Variants in ANO6 observed in about 807,000 individuals in gnomAD.
The protein encoded by ANO6 is anoctamin 6.
A neutral mutation model predicts 117.5 loss-of-function variants in ANO6; 106 were observed. The observed-to-expected ratio is 0.90, with a 90% confidence interval of 0.77 to 1.06. ANO6 has a LOEUF of 1.06. Ranked by LOEUF, ANO6 falls within the 50% of genes least tolerant of loss-of-function variation. The pLI is 0.00. For missense variants in ANO6, 955 were observed against 1,121.1 expected (o/e 0.85, Z 2.12); for synonymous variants, 367 against 385.1 (o/e 0.95, Z 0.55).
rs190060422 is a variant in ANO6, at chr12:45,388,262, G to A, written c.1267G>A (p.Glu423Lys). ...GGAAGAACAAGCCCGACCAGAATAC[G>A]AAGCACGATGTACTCACGTAGTGAT... ...QQEEQARPEY[E>K]ARCTHVVINE... is the part of the protein sequence containing the mutation. Residue 423 changes from glutamate (E) to lysine (K), a missense_variant, in exon 11 of 20, where the codon GAA becomes AAA. Physicochemically the swap from Glu to Lys is moderately conservative, Grantham distance 56. Coordinates refer to ENST00000320560, the MANE Select transcript of ANO6 (RefSeq NM_001025356.3). 1.7e-5 allele frequency: 27 copies of A among 1,613,980 alleles called. No homozygotes were observed. The highest frequency in any genetic ancestry group is 2.2e-5 in the Non-Finnish European group (26 of 1,180,004).
In ANO6 at chr12:45,348,470, G is replaced by A. The variant is rs1237146198; in HGVS notation, c.634-48G>A. Reference sequence around the variant, plus strand: ...ACAGTAGTAAACAATGATTGGATTGGTTAATTACACTATATAAACCGCATA... The same window carrying A: ...ACAGTAGTAAACAATGATTGGATTGATTAATTACACTATATAAACCGCATA... On this transcript the variant is annotated intron_variant, in intron 5 of 19. Coordinates refer to ENST00000320560, the MANE Select transcript of ANO6 (RefSeq NM_001025356.3). 2.6e-6 allele frequency: 4 copies of A among 1,547,490 alleles called. No individual in the cohort carries two copies. The Admixed American group carries it at 6.7e-5, about 26-fold the overall frequency.
chr12:45,439,495 A>G (rs903119189), intron 19 of ANO6, among the ~76,000 whole-genome samples: 3 of 152,206 alleles, frequency 2.0e-5, no homozygotes, highest in Non-Finnish European at 4.4e-5. Flanking sequence ...CTCCTTGTCC[A>G]TGGGAGAATG....
chr12:45,238,220 G>C (rs1238222065), intron 1 of ANO6, among the ~76,000 whole-genome samples: 1 of 147,504 alleles, frequency 6.8e-6, no homozygotes, highest in Admixed American at 6.8e-5. Context: ...GCAGGATCTC[G>C]GCTCACTGCA....
intron 8 of ANO6, among the ~76,000 whole-genome samples, chr12:45,360,209 C>CA (rs1474792476): frequency 6.6e-6 from 1 of 152,206 alleles, no homozygotes; most frequent in African/African-American, 2.4e-5. Context: ...CACAGTACCA[C>CA]AGACCAGGTA....
chr12:45,439,485 C>T (rs1041581223), intron 19 of ANO6, among the ~76,000 whole-genome samples: 2 of 152,276 alleles, frequency 1.3e-5, no homozygotes, highest in East Asian at 3.9e-4. Context: ...TGCCCTGTTA[C>T]TCCTTGTCCA....
chr12:45,379,340 C>T (rs117662027), intron 10 of ANO6, among the ~76,000 whole-genome samples: 8 of 152,244 alleles, frequency 5.3e-5, no homozygotes, highest in East Asian at 3.9e-4. Context: ...TATTTGTTGC[C>T]GCTCCACAGA....
At chr12:45,220,119 T>A (rs1434530743) in intron 1 of ANO6, among the ~76,000 whole-genome samples, 1 of 152,174 alleles carries the variant, frequency 6.6e-6, no homozygotes, top group Non-Finnish European at 1.5e-5. Flanking sequence ...GCTGCTTTAT[T>A]TTGTTTCTTC....
chr12:45,269,561 T>G (rs1255018269), intron 1 of ANO6, among the ~76,000 whole-genome samples: 2 of 152,218 alleles, frequency 1.3e-5, no homozygotes, highest in African/African-American at 4.8e-5. Flanking sequence ...ACTGTTTGTT[T>G]AGTTCACCAT....
At chr12:45,411,076 T>A (rs1237728474) in intron 16 of ANO6, among the ~76,000 whole-genome samples, 4 of 152,344 alleles carry the variant, frequency 2.6e-5, no homozygotes, top group Non-Finnish European at 5.9e-5. Flanking sequence ...GAGTCATAAT[T>A]GTAAATATTT....
downstream of ANO6, among the ~76,000 whole-genome samples, chr12:45,436,631 C>T (rs577563032): frequency 1.2e-3 from 189 of 152,210 alleles, no homozygotes; most frequent in African/African-American, 4.3e-3. Flanking sequence ...TTTGAAATTG[C>T]ATGCAAAATT....
rs1943609477 is a variant in ANO6, at chr12:45,430,620, G to T, written c.*1309G>T. On this transcript the variant is annotated 3_prime_UTR_variant, in exon 20 of 20. Coordinates refer to ENST00000320560, the MANE Select transcript of ANO6 (RefSeq NM_001025356.3). ...AGATTTGATTTTTTAGCCTCCTCTA[G>T]AGCCAATCAGGCAGTTAAGAGTAAT... is the stretch of plus-strand genomic sequence containing the variant. 6 of 985,296 alleles carry T rather than the reference G, an allele frequency of 6.1e-6. No homozygotes were observed. Among genetic ancestry groups the T allele is most frequent in the African/African-American group, 1.7e-5 (1 of 57,236 alleles). 61.0% of individuals were successfully genotyped at this position (985,296 alleles called of 1,614,324 possible).
At chr12:45,229,612 T>A (rs1947543216) in intron 1 of ANO6, among the ~76,000 whole-genome samples, 1 of 152,090 alleles carries the variant, frequency 6.6e-6, no homozygotes, top group Non-Finnish European at 1.5e-5. Context: ...ATGGTCTCGA[T>A]CTCTTTACCT....
chr12:45,394,298 G>T (rs1209193943), intron 12 of ANO6, among the ~76,000 whole-genome samples: 1 of 152,074 alleles, frequency 6.6e-6, no homozygotes, highest in East Asian at 1.9e-4. Flanking sequence ...GAAGAGCTAA[G>T]AATCCTAAAT....
chr12:45,382,748 A>G (rs1942200257), intron 10 of ANO6, among the ~76,000 whole-genome samples: 1 of 152,250 alleles, frequency 6.6e-6, no homozygotes, highest in South Asian at 2.1e-4. Flanking sequence ...GTGAGTGTGC[A>G]TAGCATTTGT....
At chr12:45,336,680 T>A (rs1283895813) in intron 3 of ANO6, among the ~76,000 whole-genome samples, 1 of 152,120 alleles carries the variant, frequency 6.6e-6, no homozygotes, top group East Asian at 1.9e-4. Flanking sequence ...GAACGCTTGT[T>A]AATGGTAATA....
At chr12:45,224,859 T>G (rs1384556426) in intron 1 of ANO6, among the ~76,000 whole-genome samples, 10 of 152,192 alleles carry the variant, frequency 6.6e-5, no homozygotes, top group Non-Finnish European at 1.5e-5. Context: ...ATTTTAATTC[T>G]GATATTCTTG....
chr12:45,294,936 T>C (rs909059167), intron 1 of ANO6, among the ~76,000 whole-genome samples: 1 of 152,172 alleles, frequency 6.6e-6, no homozygotes, highest in Admixed American at 6.5e-5. Flanking sequence ...ATAGCCAATA[T>C]TTATATAGTA....
intron 10 of ANO6, among the ~76,000 whole-genome samples, chr12:45,378,350 C>T (rs557896228): frequency 6.6e-6 from 1 of 152,184 alleles, no homozygotes; most frequent in South Asian, 2.1e-4. Flanking sequence ...TCTCATCATT[C>T]TCTGGGTCAG....
At chr12:45,309,630 T>G (rs574965969) in intron 2 of ANO6, among the ~76,000 whole-genome samples, 1 of 151,894 alleles carries the variant, frequency 6.6e-6, no homozygotes, top group Non-Finnish European at 1.5e-5. Flanking sequence ...ACTGAATTGG[T>G]GTTAGGGCTA....
Sources: gnomAD v4.1 joint callset for allele counts (sites outside exome capture counted in the v4.1 genomes callset) on GRCh38, gnomAD v4.1.1 for gene constraint, MANE v1.5 for transcripts, NCBI Gene and HGNC (gene_info 2026-07-23, HGNC 2026-07-21) for gene names.